CEP112: variants seen among roughly 807,000 people sequenced by gnomAD.
CEP112 encodes centrosomal protein 112, also known as centrosomal protein of 112 kDa.
CEP112 carries 127 observed loss-of-function variants against 153.0 expected under a neutral mutation model. That is an observed-to-expected ratio of 0.83 (90% CI 0.72 to 0.96). CEP112 has a LOEUF of 0.96. CEP112 is among the 40% of genes least tolerant of loss of function. CEP112 has a pLI of 0.00. For synonymous variants in CEP112, 358 were observed against 374.4 expected, an observed-to-expected ratio of 0.96 and a Z score of 0.51; for missense variants, 1,089 against 1,101.2, an observed-to-expected ratio of 0.99 and a Z score of 0.16.
intron 20 of CEP112, among the ~76,000 whole-genome samples, chr17:65,862,460 C>T (rs1198552409): frequency 6.6e-6 from 1 of 152,074 alleles, no homozygotes; most frequent in Non-Finnish European, 1.5e-5. Context: ...TGGTGGTGGG[C>T]ACCTGTAGTC....
At chr17:65,713,696 C>T (rs2049328228) in intron 23 of CEP112, among the ~76,000 whole-genome samples, 1 of 152,196 alleles carries the variant, frequency 6.6e-6, no homozygotes, top group Non-Finnish European at 1.5e-5. Context: ...ACACCATTCT[C>T]CTGCCTCAGC....
At chr17:65,683,393 T>TA (rs2047624249) in intron 24 of CEP112, among the ~76,000 whole-genome samples, 1 of 152,094 alleles carries the variant, frequency 6.6e-6, no homozygotes, top group South Asian at 2.1e-4. Context: ...AGATGAGACT[T>TA]ACAACTAAAC....
At chr17:66,061,246 GTTAGCATGA>G (rs2066910234) in intron 11 of CEP112, among the ~76,000 whole-genome samples, 1 of 152,140 alleles carries the variant, frequency 6.6e-6, no homozygotes, top group Admixed American at 6.6e-5. Context: ...TCTAACTGTA[GTTAGCATGA>G]TTATTATTAA....
intron 18 of CEP112, among the ~76,000 whole-genome samples, chr17:65,950,690 G>C (rs1307314717): frequency 1.4e-5 from 1 of 71,518 alleles, no homozygotes; most frequent in East Asian, 1.1e-3. Context: ...TTCCATTCTG[G>C]ATACATTACT....
intron 24 of CEP112, among the ~76,000 whole-genome samples, chr17:65,670,098 T>C (rs575388275): frequency 6.6e-6 from 1 of 152,018 alleles, no homozygotes; most frequent in South Asian, 2.1e-4. Flanking sequence ...ATAAGTGCCT[T>C]CTCTTTTTAA....
At chr17:65,812,326 A>C (rs906483450) in intron 21 of CEP112, among the ~76,000 whole-genome samples, 2 of 152,164 alleles carry the variant, frequency 1.3e-5, no homozygotes, top group Non-Finnish European at 2.9e-5. Context: ...ATTGCTGAAA[A>C]GTATCTTACT....
intron 24 of CEP112, among the ~76,000 whole-genome samples, chr17:65,641,742 T>C (rs1272030656): frequency 6.6e-6 from 1 of 152,114 alleles, no homozygotes; most frequent in East Asian, 1.9e-4. Context: ...TAAGACTTTT[T>C]CCACCAAAAC....
chr17:65,970,480 C>T lies in CEP112; in HGVS notation c.1737-8882G>A, dbSNP rs1441715881. ...TGCATGCACACATGCATGTATATTA[C>T]ATGCATGCACACTACATGCATATTA... is the stretch of plus-strand genomic sequence containing the variant. On this transcript the variant is annotated intron_variant, in intron 17 of 26. Transcript: ENST00000535342. 7.4e-5 allele frequency among the ~76,000 whole-genome samples: 5 copies of T among 67,470 alleles called. No individual in the cohort carries two copies. The Admixed American group carries it at 9.7e-4, about 13-fold the overall frequency. The allele number at this position is 67,470 out of a possible 152,430, so 44.3% of individuals were successfully genotyped here.
chr17:65,981,083 T>A (rs1472503655), intron 17 of CEP112, among the ~76,000 whole-genome samples: 1 of 152,192 alleles, frequency 6.6e-6, no homozygotes, highest in African/African-American at 2.4e-5. Flanking sequence ...CCCAAAGTGC[T>A]GGGATTACAG....
In CEP112 at chr17:65,969,434, T is replaced by G. The variant is rs550018899; in HGVS notation, c.1737-7836A>C. Among the ~76,000 whole-genome samples the G allele has an allele frequency of 7.1e-4, 108 of 152,324 alleles. 1 individual carries two copies. Among genetic ancestry groups the G allele is most frequent in the African/African-American group, 2.5e-3 (103 of 41,566 alleles). On this transcript the variant is annotated intron_variant, in intron 17 of 26. Transcript: ENST00000535342. ...ACATACAAGCATATTACATGTACAT[T>G]ACATGCATACACATCACACATGTAT... is the stretch of plus-strand genomic sequence containing the variant.
rs140045450 is a variant in CEP112 at position 65,943,739 on chromosome 17, G to A, written c.1873-16050C>T. ...CTTACTGGGGTTCTCTGAATTTCCT[G>A]AATTTGAATGTTGGCCTATCTTGTT... On this transcript the variant is annotated intron_variant, in intron 18 of 26. Coordinates refer to ENST00000535342, the MANE Select transcript of CEP112 (RefSeq NM_001199165.4). 8.5e-4 allele frequency among the ~76,000 whole-genome samples: 129 copies of A among 152,260 alleles called. 1 individual carries two copies. The highest frequency in any genetic ancestry group is 3.0e-3 in the African/African-American group (123 of 41,540).
At chr17:65,779,085 A>G (rs1268971364) in intron 21 of CEP112, among the ~76,000 whole-genome samples, 1 of 152,210 alleles carries the variant, frequency 6.6e-6, no homozygotes, top group Admixed American at 6.5e-5. Flanking sequence ...AATAATTCAA[A>G]TATTTAAAGA....
chr17:65,936,743 A>C (rs2061318164), intron 18 of CEP112, among the ~76,000 whole-genome samples: 1 of 152,084 alleles, frequency 6.6e-6, no homozygotes, highest in Admixed American at 6.5e-5. Context: ...TCATTTCATA[A>C]TAAAAACTCT....
intron 19 of CEP112, among the ~76,000 whole-genome samples, chr17:65,910,630 AGTTGAATAAACATG>A (rs1405531371): frequency 1.3e-5 from 2 of 152,220 alleles, no homozygotes; most frequent in Non-Finnish European, 2.9e-5. Flanking sequence ...AGAAACAATG[AGTTGAATAAACATG>A]GTGAAAAATC....
At chr17:65,713,531 C>T (rs2049316804) in intron 23 of CEP112, among the ~76,000 whole-genome samples, 2 of 152,154 alleles carry the variant, frequency 1.3e-5, no homozygotes, top group Non-Finnish European at 2.9e-5. Flanking sequence ...TAGTTCGTTT[C>T]AATCCCTCCA....
chr17:66,038,296 T>C (rs1406256724), intron 12 of CEP112, among the ~76,000 whole-genome samples: 1 of 152,180 alleles, frequency 6.6e-6, no homozygotes, highest in South Asian at 2.1e-4. Context: ...CTTTTGTATA[T>C]ACTGATGCCA....
At chr17:65,982,619 G>A (rs1443304) in intron 17 of CEP112, among the ~76,000 whole-genome samples, 79,176 of 152,092 alleles carry the variant, frequency 0.52, 21,617 homozygotes, top group African/African-American at 0.6. Flanking sequence ...AAAGGGAAAT[G>A]TGTGTGCCAA....
intron 5 of CEP112, among the ~76,000 whole-genome samples, chr17:66,130,663 C>T (rs1344841945): frequency 6.6e-6 from 1 of 151,524 alleles, no homozygotes; most frequent in Non-Finnish European, 1.5e-5. Context: ...GTAATCCCAG[C>T]TACTCGGGAC....
chr17:66,076,727 C>T (rs2067513918), intron 8 of CEP112, among the ~76,000 whole-genome samples: 1 of 152,204 alleles, frequency 6.6e-6, no homozygotes, highest in African/African-American at 2.4e-5. Flanking sequence ...TGGAAAGTGT[C>T]ACCCTCTGGC....
Sources: gnomAD v4.1 joint callset for allele counts (sites outside exome capture counted in the v4.1 genomes callset) on GRCh38, gnomAD v4.1.1 for gene constraint, MANE v1.5 for transcripts, NCBI Gene and HGNC (gene_info 2026-07-23, HGNC 2026-07-21) for gene names.